Variants in KLF8 observed in about 807,000 individuals in gnomAD.
The protein encoded by KLF8 is Krueppel-like factor 8.
A neutral mutation model predicts 18.2 loss-of-function variants in KLF8; 10 were observed. The ratio of observed to expected loss-of-function variants is 0.55; its 90% CI spans 0.34 to 0.93. KLF8 has a LOEUF of 0.93. KLF8 is among the 40% of genes least tolerant of loss of function. KLF8 has a pLI of 0.02. For synonymous variants in KLF8, 109 were observed against 97.3 expected, an observed-to-expected ratio of 1.12 and a Z score of -0.71; for missense variants, 264 against 277.9, an observed-to-expected ratio of 0.95 and a Z score of 0.36.
chrX:56,099,549 T>A, the KLF8 span, among the ~76,000 whole-genome samples: 1 of 112,153 alleles, frequency 8.9e-6, no homozygotes, highest in East Asian at 2.8e-4. Context: ...GAAGATAGAC[T>A]GAAAGCTAGG....
chrX:56,208,786 A>G, the KLF8 span, among the ~76,000 whole-genome samples: 1 of 111,689 alleles, frequency 9.0e-6, no homozygotes, highest in Non-Finnish European at 1.9e-5. Flanking sequence ...CCTCTTTTCA[A>G]TAATTTCTAC....
rs2067281891 is a variant in KLF8 at position 56,287,585 on chromosome X, G to A, written c.*3091G>A. On this transcript the variant is annotated 3_prime_UTR_variant, in exon 6 of 6. Coordinates refer to ENST00000468660, the MANE Select transcript of KLF8 (RefSeq NM_007250.5). Reference sequence around the variant, plus strand: ...GCAGAATTCCTCTATCTGATGATCAGCAGTTGAACATAAACTTCATAATTA... The same window carrying A: ...GCAGAATTCCTCTATCTGATGATCAACAGTTGAACATAAACTTCATAATTA... 2 of 112,098 alleles carry A rather than the reference G, an allele frequency of 1.8e-5. No individual in the cohort carries two copies. Among genetic ancestry groups the A allele is most frequent in the Non-Finnish European group, 3.8e-5 (2 of 53,228 alleles). The allele number at this position is 112,098 out of a possible 1,213,427, so 9.2% of individuals were successfully genotyped here.
chrX:56,233,960 C>A (rs1319011621), intron 1 of KLF8, among the ~76,000 whole-genome samples: 1 of 111,199 alleles, frequency 9.0e-6, no homozygotes, highest in Non-Finnish European at 1.9e-5. Flanking sequence ...AAGACGTGGC[C>A]AAGGCAGTTG....
intron 5 of KLF8, among the ~76,000 whole-genome samples, chrX:56,279,816 A>G (rs2067174924): frequency 8.9e-6 from 1 of 112,033 alleles, no homozygotes; most frequent in Admixed American, 9.4e-5. Flanking sequence ...ATTTGCCAAT[A>G]GTTACACAGG....
chrX:56,076,368 C>T, the KLF8 span, among the ~76,000 whole-genome samples: 1 of 101,888 alleles, frequency 9.8e-6, no homozygotes, highest in Non-Finnish European at 2.0e-5. Context: ...TCAAGTCCCA[C>T]CTATGAGTGA....
chrX:56,187,140 A>G, the KLF8 span, among the ~76,000 whole-genome samples: 6 of 111,905 alleles, frequency 5.4e-5, no homozygotes, highest in Admixed American at 5.7e-4. Context: ...ACTAATAAAG[A>G]AGAAAAGAGA....
chrX:56,084,997 C>T, the KLF8 span, among the ~76,000 whole-genome samples: 5 of 111,418 alleles, frequency 4.5e-5, no homozygotes, highest in Non-Finnish European at 3.8e-5. Flanking sequence ...CAAAGGAGTT[C>T]CTGGGGGTAC....
the KLF8 span, among the ~76,000 whole-genome samples, chrX:56,064,934 C>T: frequency 9.0e-6 from 1 of 111,391 alleles, no homozygotes; most frequent in Non-Finnish European, 1.9e-5. Context: ...TCTCTCCTGG[C>T]ATGTAAGGTT....
At chrX:56,082,589 T>C in the KLF8 span, among the ~76,000 whole-genome samples, 1 of 110,898 alleles carries the variant, frequency 9.0e-6, no homozygotes, top group Non-Finnish European at 1.9e-5. Context: ...AGTAAGCATT[T>C]ACAGCTATAA....
At chrX:56,192,437 T>G in the KLF8 span, among the ~76,000 whole-genome samples, 4 of 111,583 alleles carry the variant, frequency 3.6e-5, no homozygotes, top group Non-Finnish European at 7.5e-5. Context: ...AAAACACTAA[T>G]GGCACTCTTT....
the KLF8 span, among the ~76,000 whole-genome samples, chrX:56,002,413 G>GTGTA: frequency 5.0e-5 from 2 of 39,879 alleles, no homozygotes; most frequent in Non-Finnish European, 8.8e-5. Context: ...ATCAATTTGT[G>GTGTA]TGTATGTGTG....
At chrX:56,177,428 G>A in the KLF8 span, among the ~76,000 whole-genome samples, 1 of 111,142 alleles carries the variant, frequency 9.0e-6, no homozygotes, top group Non-Finnish European at 1.9e-5. Flanking sequence ...ATACTGGTGA[G>A]CAGCAAATGT....
the KLF8 span, among the ~76,000 whole-genome samples, chrX:55,956,169 CATCTATCT>C: frequency 9.8e-5 from 8 of 81,867 alleles, no homozygotes; most frequent in African/African-American, 1.8e-4. Context: ...ATCTATCTAT[CATCTATCT>C]ATCTATCTAT....
At chrX:56,145,685 A>G in the KLF8 span, among the ~76,000 whole-genome samples, 2 of 112,341 alleles carry the variant, frequency 1.8e-5, no homozygotes, top group African/African-American at 6.5e-5. Flanking sequence ...ATTGTGCTAC[A>G]TGTATACATA....
At chrX:56,114,859 G>A in the KLF8 span, among the ~76,000 whole-genome samples, 1 of 112,264 alleles carries the variant, frequency 8.9e-6, no homozygotes, top group Non-Finnish European at 1.9e-5. Context: ...AACATAAAGA[G>A]TACTTAAATT....
chrX:56,023,521 C>T, the KLF8 span, among the ~76,000 whole-genome samples: 2 of 111,358 alleles, frequency 1.8e-5, no homozygotes, highest in Middle Eastern at 4.7e-3. Flanking sequence ...CAAAATTGTT[C>T]CTAGATGTAA....
At chrX:55,925,671 T>C in the KLF8 span, among the ~76,000 whole-genome samples, 64 of 110,994 alleles carry the variant, frequency 5.8e-4, no homozygotes, top group Non-Finnish European at 1.1e-3. Flanking sequence ...TTAAAACCAA[T>C]TAGAGTGGAC....
the KLF8 span, among the ~76,000 whole-genome samples, chrX:56,167,650 C>A: frequency 8.9e-6 from 1 of 111,833 alleles, no homozygotes; most frequent in Non-Finnish European, 1.9e-5. Context: ...TTGTTGCAGT[C>A]CTATTTAATA....
the KLF8 span, among the ~76,000 whole-genome samples, chrX:56,164,595 T>C: frequency 2.3e-4 from 24 of 103,388 alleles, no homozygotes; most frequent in African/African-American, 7.9e-4. Flanking sequence ...TTTTTTATCC[T>C]CTAGAATATA....
Sources: allele counts gnomAD v4.1 joint callset (sites outside exome capture counted in the v4.1 genomes callset), GRCh38; gene constraint gnomAD v4.1.1; transcripts MANE v1.5; gene names NCBI Gene and HGNC (gene_info 2026-07-23, HGNC 2026-07-21).